Variants in TXNDC16 observed in about 807,000 individuals in gnomAD.
TXNDC16 encodes thioredoxin domain-containing protein 16.
TXNDC16 carries 74 observed loss-of-function variants against 85.6 expected under a neutral mutation model. That is an observed-to-expected ratio of 0.86 (90% CI 0.72 to 1.05). The LOEUF is 1.05. Among genes scored for constraint, TXNDC16 ranks in the 50% least tolerant of loss-of-function variants. The pLI is 0.00. For missense variants in TXNDC16, 959 were observed against 947.0 expected (o/e 1.01, Z -0.17); for synonymous variants, 335 against 326.5 (o/e 1.03, Z -0.28).
chr14:52,497,880 C>CCAA (rs759679029), intron 9 of TXNDC16, among the ~76,000 whole-genome samples: 173 of 95,558 alleles, frequency 1.8e-3, no homozygotes, highest in African/African-American at 6.4e-3. Context: ...GACTCTGTCT[C>CCAA]AAAAAAAAAA....
At chr14:52,519,425 C>A (rs1378046443) in intron 6 of TXNDC16, 132 bp from the exon 7 acceptor site, 3 of 644,164 alleles carry the variant, frequency 4.7e-6, no homozygotes, top group East Asian at 2.8e-5. Context: ...ATAATGTAAG[C>A]ATTTTAATAA....
chr14:52,500,375 C>T (rs1427522201), intron 9 of TXNDC16, among the ~76,000 whole-genome samples: 2 of 152,124 alleles, frequency 1.3e-5, no homozygotes, highest in Non-Finnish European at 2.9e-5. Context: ...TATGGCATAA[C>T]TCAGTGTATA....
At chr14:52,507,286 C>A (rs1160215208) in intron 9 of TXNDC16, among the ~76,000 whole-genome samples, 2 of 151,968 alleles carry the variant, frequency 1.3e-5, no homozygotes, top group Admixed American at 6.5e-5. Flanking sequence ...AAACAGAGAG[C>A]CAAATCATGA....
chr14:52,440,413 T>C (rs931215596), intron 19 of TXNDC16, 151 bp downstream of exon 19: 6 of 500,818 alleles, frequency 1.2e-5, no homozygotes, highest in African/African-American at 1.0e-4. Context: ...TGGACCTTGT[T>C]TGGGGGAGTT....
chr14:52,457,285 A>C, intron 16 of TXNDC16, 111 bp from the exon 17 acceptor site: 1 of 554,922 alleles, frequency 1.8e-6, no homozygotes, highest in Non-Finnish European at 3.1e-6. Context: ...TAATTACAAA[A>C]ATATTTAAGT....
chr14:52,524,368 C>A (rs1030616622), intron 6 of TXNDC16, among the ~76,000 whole-genome samples: 18 of 152,170 alleles, frequency 1.2e-4, no homozygotes, highest in African/African-American at 3.9e-4. Context: ...TATTTTCTGA[C>A]AAAATACAGT....
chr14:52,530,443 T>C (rs2037513447), intron 6 of TXNDC16, among the ~76,000 whole-genome samples: 1 of 16,954 alleles, frequency 5.9e-5, no homozygotes, highest in Non-Finnish European at 8.7e-5. Context: ...ATATATAATA[T>C]ATTATTATAT....
intron 16 of TXNDC16, among the ~76,000 whole-genome samples, chr14:52,468,774 G>A (rs1034720519): frequency 6.6e-6 from 1 of 151,952 alleles, no homozygotes; most frequent in Non-Finnish European, 1.5e-5. Context: ...CTACTCAGGA[G>A]GCTGAGGTGG....
intron 4 of TXNDC16, among the ~76,000 whole-genome samples, chr14:52,539,427 G>A (rs1043927207): frequency 6.6e-6 from 1 of 152,148 alleles, no homozygotes; most frequent in Non-Finnish European, 1.5e-5. Context: ...AGAACGAACT[G>A]AACAAAGTGG....
Position 52,520,356 on chromosome 14 carries a change from G to A in TXNDC16, c.393-1063C>T, listed in dbSNP as rs1459468405. ...TGTCTACTTCTGGCCGAGCACAGTG[G>A]CTCAAGCCTGTAATCCCAGCACTTT... On this transcript the variant is annotated intron_variant, in intron 6 of 20. Transcript: ENST00000281741. Among the ~76,000 whole-genome samples the A allele has an allele frequency of 2.0e-5, 3 of 152,240 alleles. No individual in the cohort carries two copies. In the East Asian group the frequency reaches 5.8e-4, roughly 29 times the overall value.
At chr14:52,530,258 T>TATAATATATATATTATTATATA (rs1555342437) in intron 6 of TXNDC16, among the ~76,000 whole-genome samples, 3 of 59,426 alleles carry the variant, frequency 5.0e-5, no homozygotes, top group African/African-American at 7.0e-5. Flanking sequence ...ATATATATTA[T>TATAATATATATATTATTATATA]ATAATATATA....
intron 1 of TXNDC16, among the ~76,000 whole-genome samples, chr14:52,551,688 G>T (rs978353112): frequency 2.6e-5 from 4 of 151,734 alleles, no homozygotes; most frequent in Non-Finnish European, 5.9e-5. Context: ...ACTATGTGCC[G>T]GCCCAATATA....
chr14:52,467,703 C>T (rs941598771), intron 16 of TXNDC16, among the ~76,000 whole-genome samples: 1 of 152,132 alleles, frequency 6.6e-6, no homozygotes, highest in African/African-American at 2.4e-5. Context: ...TCCTCAAAAA[C>T]TAAAAACAGA....
At position 52,539,061 on chromosome 14, in the gene TXNDC16, A is replaced by C. The variant is rs561728398; in HGVS notation, c.244-1389T>G. On this transcript the variant is annotated intron_variant, in intron 4 of 20. Transcript: ENST00000281741. ...AATATATTTGAACATCTACCATGTC[A>C]GTCACTGTTCTAGTCACTTTGGGTA... 3.3e-5 allele frequency among the ~76,000 whole-genome samples: 5 copies of C among 152,334 alleles called. No individual in the cohort carries two copies. In the East Asian group the frequency reaches 5.8e-4, roughly 18 times the overall value.
In TXNDC16 at chr14:52,447,725, G is replaced by C. The variant is rs1337942867; in HGVS notation, c.1843-7001C>G. 1.3e-5 allele frequency among the ~76,000 whole-genome samples: 2 copies of C among 152,142 alleles called. 1 individual carries two copies. The highest frequency in any genetic ancestry group is 2.9e-5 in the Non-Finnish European group (2 of 68,036). On this transcript the variant is annotated intron_variant, in intron 18 of 20. Transcript: ENST00000281741. ...ACCAGAGACCAATCCTGGAGAAACA[G>C]AGCTATGTGTCCTTTCAGACAGAGA...
At chr14:52,458,783 A>G (rs914028336) in intron 16 of TXNDC16, among the ~76,000 whole-genome samples, 1 of 152,220 alleles carries the variant, frequency 6.6e-6, no homozygotes, top group Non-Finnish European at 1.5e-5. Flanking sequence ...GTAAGTAGCA[A>G]TAGAAAAGTA....
intron 16 of TXNDC16, chr14:52,462,782 T>G (rs2035682142): frequency 2.7e-6 from 1 of 370,400 alleles, no homozygotes; most frequent in Non-Finnish European, 5.2e-6. Flanking sequence ...CATTTTTCAT[T>G]TGAAATGTTC....
At chr14:52,514,058 G>T (rs2037020731) in intron 8 of TXNDC16, among the ~76,000 whole-genome samples, 3 of 152,102 alleles carry the variant, frequency 2.0e-5, no homozygotes, top group South Asian at 4.2e-4. Flanking sequence ...AAGGAATGCT[G>T]GTCAATGTCA....
At chr14:52,508,902 T>C (rs2036884526) in intron 9 of TXNDC16, among the ~76,000 whole-genome samples, 1 of 152,006 alleles carries the variant, frequency 6.6e-6, no homozygotes, top group South Asian at 2.1e-4. Flanking sequence ...CCGGGGCCTG[T>C]TGTGGGGTGG....
Sources: allele counts gnomAD v4.1 joint callset (sites outside exome capture counted in the v4.1 genomes callset), GRCh38; gene constraint gnomAD v4.1.1; transcripts MANE v1.5; gene names NCBI Gene and HGNC (gene_info 2026-07-23, HGNC 2026-07-21).